Variants in CLIP2 observed in about 807,000 individuals in gnomAD.
CLIP2 encodes CAP-Gly domain containing linker protein 2.
Under a neutral mutation model 111.7 loss-of-function variants are expected in CLIP2, and 41 were observed. The observed-to-expected ratio is 0.37, with a 90% CI of 0.29 to 0.48. The LOEUF is 0.48. Among genes scored for constraint, CLIP2 ranks in the 20% least tolerant of loss-of-function variants. The probability of loss-of-function intolerance (pLI) is 0.99; values close to 1 mark genes in which losing one functional copy is unlikely to be tolerated. For missense variants in CLIP2, 1,160 were observed against 1,422.1 expected (o/e 0.82, Z 2.96); for synonymous variants, 660 against 644.2 (o/e 1.02, Z -0.37).
chr7:74,298,212 G>C (rs1237019862), intron 1 of CLIP2, among the ~76,000 whole-genome samples: 1 of 151,854 alleles, frequency 6.6e-6, no homozygotes, highest in Non-Finnish European at 1.5e-5. Flanking sequence ...TTGAGACACA[G>C]TTTCACTCTG....
Position 74,325,317 on chromosome 7 carries a change from C to T in CLIP2, c.121+7650C>T, listed in dbSNP as rs142118659. Among the ~76,000 whole-genome samples the T allele has an allele frequency of 2.4e-3, 366 of 152,084 alleles. 2 individuals carry two copies. Among genetic ancestry groups the T allele is most frequent in the African/African-American group, 8.3e-3 (343 of 41,490 alleles). On this transcript the variant is annotated intron_variant, in intron 2 of 16. Coordinates refer to ENST00000223398, the MANE Select transcript of CLIP2 (RefSeq NM_003388.5). The stretch of plus-strand genomic sequence containing the variant: ...TGGTCAGAGCAGGTGGGCAGGAGGG[C>T]GGTTTGGGATCCACCTGGGGGCAAA...
chr7:74,289,721 C>T lies in CLIP2; in HGVS notation c.-81C>T, dbSNP rs978194298. On this transcript the variant is annotated 5_prime_UTR_variant, in exon 1 of 17. Transcript: ENST00000223398. Reference sequence around the variant, plus strand: ...GGGCCTCCCGCCGCTTAGCCTGATGCTGGAAGGACGAAGGTAGGGGCTGCT... The same window carrying T: ...GGGCCTCCCGCCGCTTAGCCTGATGTTGGAAGGACGAAGGTAGGGGCTGCT... 6.6e-6 allele frequency: 1 copy of T among 152,144 alleles called. No homozygotes were observed. The highest frequency in any genetic ancestry group is 6.6e-5 in the Admixed American group (1 of 15,262). 9.4% of individuals were successfully genotyped at this position (152,144 alleles called of 1,614,324 possible). A position where few individuals can be genotyped will look rare whatever the true frequency, so the allele number is the denominator to read the frequency against.
At chr7:74,346,153 AT>A (rs1164794810) in intron 3 of CLIP2, among the ~76,000 whole-genome samples, 11 of 150,948 alleles carry the variant, frequency 7.3e-5, no homozygotes, top group Admixed American at 1.3e-4. Flanking sequence ...TAATTTCTTA[AT>A]TTTTTTTTGT....
intron 13 of CLIP2, among the ~76,000 whole-genome samples, chr7:74,396,101 G>T (rs1554316653): frequency 6.6e-6 from 1 of 152,198 alleles, no homozygotes; most frequent in African/African-American, 2.4e-5. Context: ...GGGTGCATGT[G>T]CTCCTGCCTA....
intron 9 of CLIP2, among the ~76,000 whole-genome samples, chr7:74,373,640 AC>A (rs1234186890): frequency 6.6e-6 from 1 of 151,442 alleles, no homozygotes; most frequent in Non-Finnish European, 1.5e-5. Flanking sequence ...GTCCTGTGAG[AC>A]CCCCCAGTCT....
At position 74,404,031 on chromosome 7, in the gene CLIP2, C is replaced by A; in HGVS notation, c.*183C>A. ...GATCCCTCGCCAGACCAGGACGCTT[C>A]CTCAAGCCCAGCCTTCTACAGAGAG... On this transcript the variant is annotated 3_prime_UTR_variant, in exon 17 of 17. Transcript: ENST00000223398. 1 of 676,866 alleles carries A rather than the reference C, an allele frequency of 1.5e-6. No homozygotes were observed. The highest frequency in any genetic ancestry group is 1.6e-5 in the South Asian group (1 of 61,818). The allele number at this position is 676,866 out of a possible 1,614,324, so 41.9% of individuals were successfully genotyped here.
At chr7:74,396,915 G>A (rs1791465486) in intron 13 of CLIP2, among the ~76,000 whole-genome samples, 159 bp from the exon 14 acceptor site, 1 of 151,388 alleles carries the variant, frequency 6.6e-6, no homozygotes, top group Admixed American at 6.7e-5. Flanking sequence ...GGCTTTGGTT[G>A]AATTGTGTCT....
intron 2 of CLIP2, among the ~76,000 whole-genome samples, chr7:74,331,562 CTT>C (rs1213774851): frequency 1.7e-5 from 2 of 120,662 alleles, no homozygotes; most frequent in Admixed American, 9.0e-5. Context: ...TTCTTTCTTT[CTT>C]TTTTTTTTTT....
chr7:74,327,456 C>G (rs1789146387), intron 2 of CLIP2, among the ~76,000 whole-genome samples: 1 of 152,168 alleles, frequency 6.6e-6, no homozygotes, highest in African/African-American at 2.4e-5. Flanking sequence ...CGTGAGTGTT[C>G]CAGACCTTGG....
In CLIP2 at chr7:74,357,525, T is replaced by C. The variant is rs111525798; in HGVS notation, c.1215+48T>C. On this transcript the variant is annotated intron_variant, in intron 6 of 16. Coordinates refer to ENST00000223398, the MANE Select transcript of CLIP2 (RefSeq NM_003388.5). The stretch of plus-strand genomic sequence containing the variant: ...GGCAGAGCTTCTCCAGCCAGCCTCA[T>C]AGAGTCTCACCCACTCAGAGCGGAG... 2,071 of 1,555,650 alleles carry C rather than the reference T, an allele frequency of 1.3e-3. 29 individuals are homozygous for C. In the African/African-American group the frequency reaches 0.024, roughly 18 times the overall value.
intron 5 of CLIP2, 66 bp downstream of exon 5, chr7:74,356,689 T>G: frequency 6.9e-7 from 1 of 1,444,640 alleles, no homozygotes; most frequent in Non-Finnish European, 9.5e-7. Context: ...ATGTAAGAGA[T>G]CCAGGTGTTC....
intron 1 of CLIP2, among the ~76,000 whole-genome samples, chr7:74,311,880 C>T (rs1788647828): frequency 1.3e-5 from 2 of 150,222 alleles, no homozygotes; most frequent in Non-Finnish European, 3.0e-5. Flanking sequence ...TCACTGCACT[C>T]CAGCCTGGGC....
In CLIP2 at chr7:74,289,470, C is replaced by G. The variant is rs1554725055; in HGVS notation, c.-332C>G. On this transcript the variant is annotated 5_prime_UTR_variant, in exon 1 of 17. Coordinates refer to ENST00000223398, the MANE Select transcript of CLIP2 (RefSeq NM_003388.5). ...TGGCTCCGCTGGCTCCGCGGGCGCT[C>G]AGCTCGGCTCGGCCGCGGGGCGCGC... The G allele has an allele frequency of 6.6e-6, 1 of 150,828 alleles. No homozygotes were observed. The highest frequency in any genetic ancestry group is 1.5e-5 in the Non-Finnish European group (1 of 67,546). 9.3% of individuals were successfully genotyped at this position (150,828 alleles called of 1,614,324 possible).
At chr7:74,310,296 A>G (rs1554728329) in intron 1 of CLIP2, among the ~76,000 whole-genome samples, 1 of 151,960 alleles carries the variant, frequency 6.6e-6, no homozygotes, top group Non-Finnish European at 1.5e-5. Context: ...AGGCTGAGGC[A>G]GGAGGATCCT....
chr7:74,293,675 A>G (rs1238192189), intron 1 of CLIP2, among the ~76,000 whole-genome samples: 1 of 152,130 alleles, frequency 6.6e-6, no homozygotes, highest in Non-Finnish European at 1.5e-5. Flanking sequence ...TCATGAGCTG[A>G]TGGGGGAGGC....
At position 74,357,304 on chromosome 7, in the gene CLIP2, G is replaced by A. The variant is rs1347480501; in HGVS notation, c.1042G>A (p.Ala348Thr). 2 of 1,613,848 alleles carry A rather than the reference G, an allele frequency of 1.2e-6. No homozygotes were observed. Among genetic ancestry groups the A allele is most frequent in the African/African-American group, 1.3e-5 (1 of 74,922 alleles). ...GLLTETSSRY[A>T]RKISGTTALQ... ...GCTCACGGAGACCTCTTCACGCTAC[G>A]CCCGCAAGATCTCGGGCACCACGGC... The change falls in exon 6 of 17, where the codon GCC (alanine) becomes ACC (threonine). Residue 348 changes from alanine to threonine, a missense_variant. This residue lies in a region of CLIP2 where 110 missense variants were observed against 185.2 expected (regional missense o/e 0.59). Transcript: ENST00000223398.
At chr7:74,400,913 C>T (rs554399111) in intron 15 of CLIP2, among the ~76,000 whole-genome samples, 15 of 138,068 alleles carry the variant, frequency 1.1e-4, no homozygotes, top group African/African-American at 3.9e-4. Context: ...CAGAAGCCCC[C>T]GGTCTGAAGG....
intron 1 of CLIP2, among the ~76,000 whole-genome samples, chr7:74,297,553 A>G (rs1274315833): frequency 1.3e-5 from 2 of 152,022 alleles, no homozygotes; most frequent in Admixed American, 1.3e-4. Context: ...GCCTCTGTCT[A>G]CTTGAACCCC....
chr7:74,339,382 T>A (rs1789589097), intron 3 of CLIP2, among the ~76,000 whole-genome samples: 1 of 152,154 alleles, frequency 6.6e-6, no homozygotes, highest in Non-Finnish European at 1.5e-5. Context: ...TTCAGCTCAC[T>A]GTAACCTCCA....
Sources: allele counts gnomAD v4.1 joint callset (sites outside exome capture counted in the v4.1 genomes callset), GRCh38; gene constraint gnomAD v4.1.1; regional missense constraint gnomAD v4.1.1; transcripts MANE v1.5; gene names NCBI Gene and HGNC (gene_info 2026-07-23, HGNC 2026-07-21).